Variants in HS6ST2 observed in about 807,000 individuals in gnomAD.
The protein encoded by HS6ST2 is heparan sulfate 6-O-sulfotransferase 2.
Under a neutral mutation model 33.0 loss-of-function variants are expected in HS6ST2, and 17 were observed. The observed-to-expected ratio is 0.52, with a 90% CI of 0.35 to 0.77. The LOEUF (loss-of-function observed/expected upper bound fraction) is 0.77, where lower values mean the gene tolerates loss of function less well. Among genes scored for constraint, HS6ST2 ranks in the 30% least tolerant of loss-of-function variants. HS6ST2 has a pLI of 0.01. For synonymous variants in HS6ST2, 248 were observed against 237.1 expected (o/e 1.05, Z -0.42); for missense variants, 519 against 551.7 (o/e 0.94, Z 0.59).
chrX:132,739,714 CAA>C (rs147979550), intron 2 of HS6ST2, among the ~76,000 whole-genome samples: 17 of 52,150 alleles, frequency 3.3e-4, no homozygotes, highest in Non-Finnish European at 3.0e-4. Context: ...GACTCCATTT[CAA>C]AAAAAAAAAA....
intron 3 of HS6ST2, among the ~76,000 whole-genome samples, chrX:132,684,233 A>ATATATATATACACACACACATATATATG (rs2063996897): frequency 1.9e-5 from 2 of 103,443 alleles, no homozygotes; most frequent in African/African-American, 7.0e-5. Flanking sequence ...ACATATATAT[A>ATATATATATACACACACACATATATATG]TATATATATA....
intron 2 of HS6ST2, among the ~76,000 whole-genome samples, chrX:132,832,665 A>G (rs1250510670): frequency 9.0e-6 from 1 of 111,624 alleles, no homozygotes; most frequent in Non-Finnish European, 1.9e-5. Flanking sequence ...AAACTTAATC[A>G]CTGTATTTTA....
At chrX:132,715,343 G>A (rs1471099969) in intron 2 of HS6ST2, among the ~76,000 whole-genome samples, 1 of 112,204 alleles carries the variant, frequency 8.9e-6, no homozygotes, top group East Asian at 2.8e-4. Flanking sequence ...GCTGAGGCAG[G>A]AGGAGCGGCT....
In HS6ST2 at chrX:132,647,545, C is replaced by A. The variant is rs771103537; in HGVS notation, c.1068-18452G>T. The stretch of plus-strand genomic sequence containing the variant: ...AATCACTTTTCCCCTTATTCCCCTG[C>A]TGGAGAGTCCCAAAACTCCTAGGCA... On this transcript the variant is annotated intron_variant, in intron 4 of 4. Transcript: ENST00000370833. Among the ~76,000 whole-genome samples, 10 of 112,233 alleles carry A rather than the reference C, an allele frequency of 8.9e-5. No homozygotes were observed. In the South Asian group the frequency reaches 3.4e-3, roughly 38 times the overall value.
At chrX:132,727,011 T>C (rs2148272256) in intron 2 of HS6ST2, among the ~76,000 whole-genome samples, 1 of 111,544 alleles carries the variant, frequency 9.0e-6, no homozygotes, top group East Asian at 2.8e-4. Flanking sequence ...TCCTGTCCAA[T>C]TTTTATATCT....
At chrX:132,933,534 G>A (rs1279033948) in intron 2 of HS6ST2, among the ~76,000 whole-genome samples, 5 of 110,251 alleles carry the variant, frequency 4.5e-5, no homozygotes, top group African/African-American at 1.6e-4. Context: ...ACCAGAAAGA[G>A]AAAGAAACAG....
chrX:132,818,377 A>G (rs1183954116), intron 2 of HS6ST2, among the ~76,000 whole-genome samples: 1 of 111,057 alleles, frequency 9.0e-6, no homozygotes, highest in Non-Finnish European at 1.9e-5. Flanking sequence ...GTATTACCCT[A>G]CAGAGTTGGC....
At chrX:132,901,013 T>C (rs201060046) in intron 2 of HS6ST2, among the ~76,000 whole-genome samples, 1 of 112,447 alleles carries the variant, frequency 8.9e-6, no homozygotes, top group Non-Finnish European at 1.9e-5. Flanking sequence ...CAGAGTTCCA[T>C]GGGGCAAGGA....
chrX:132,718,792 C>T (rs1203673758), intron 2 of HS6ST2, among the ~76,000 whole-genome samples: 1 of 110,921 alleles, frequency 9.0e-6, no homozygotes, highest in African/African-American at 3.3e-5. Context: ...ATGCTGCTCC[C>T]CTAGGACATA....
intron 3 of HS6ST2, among the ~76,000 whole-genome samples, chrX:132,692,877 C>A (rs2064077291): frequency 8.9e-6 from 1 of 111,761 alleles, no homozygotes; most frequent in African/African-American, 3.3e-5. Flanking sequence ...GCATATGGAC[C>A]ATGTCTCATG....
At chrX:132,716,261 G>C (rs746917915) in intron 2 of HS6ST2, among the ~76,000 whole-genome samples, 4 of 111,804 alleles carry the variant, frequency 3.6e-5, no homozygotes, top group Non-Finnish European at 5.6e-5. Flanking sequence ...TCTTGTTTCC[G>C]TGGAAAACGG....
At chrX:132,792,800 T>C (rs777882913) in intron 2 of HS6ST2, among the ~76,000 whole-genome samples, 1 of 111,470 alleles carries the variant, frequency 9.0e-6, no homozygotes, top group Non-Finnish European at 1.9e-5. Context: ...AATGTCTCCA[T>C]AGTTTATCCA....
rs376893086 is a variant in HS6ST2 at position 132,957,361 on chromosome X, C to T, written c.429-35G>A. 2.0e-3 allele frequency: 2,211 copies of T among 1,131,861 alleles called. 4 individuals are homozygous for T. Among genetic ancestry groups the T allele is most frequent in the Non-Finnish European group, 2.4e-3 (2,052 of 856,957 alleles). 93.3% of individuals were successfully genotyped at this position (1,131,861 alleles called of 1,213,427 possible). On this transcript the variant is annotated intron_variant, in intron 1 of 4. Transcript: ENST00000370833. ...ACCCAAGCTCGTTACGTCAATCCCGCAGCTCAGCCCGCGCTCGTCGTGCCC... is the reference window on the plus strand; with the variant it reads ...ACCCAAGCTCGTTACGTCAATCCCGTAGCTCAGCCCGCGCTCGTCGTGCCC...
At chrX:132,926,816 G>A (rs950911140) in intron 2 of HS6ST2, among the ~76,000 whole-genome samples, 16 of 111,680 alleles carry the variant, frequency 1.4e-4, no homozygotes, top group Admixed American at 1.1e-3. Flanking sequence ...CCAGCTACTC[G>A]GGAGGCCGAG....
chrX:132,941,589 T>A (rs1332996783), intron 2 of HS6ST2, among the ~76,000 whole-genome samples: 9 of 112,451 alleles, frequency 8.0e-5, no homozygotes, highest in Non-Finnish European at 1.7e-4. Flanking sequence ...GCAAGTGTTC[T>A]TTTTTAACAC....
chrX:132,866,784 T>G (rs1452653834), intron 2 of HS6ST2, among the ~76,000 whole-genome samples: 26 of 88,161 alleles, frequency 2.9e-4, no homozygotes, highest in Non-Finnish European at 5.3e-4. Flanking sequence ...TCTGTTTGTC[T>G]GTTGTTGGTG....
intron 2 of HS6ST2, among the ~76,000 whole-genome samples, chrX:132,949,750 G>A (rs1192307561): frequency 2.7e-5 from 3 of 111,550 alleles, no homozygotes; most frequent in African/African-American, 9.8e-5. Context: ...CAGAAAAGCA[G>A]AATAAGAAAA....
chrX:132,944,309 G>A (rs1197959284), intron 2 of HS6ST2, among the ~76,000 whole-genome samples: 1 of 111,259 alleles, frequency 9.0e-6, no homozygotes, highest in East Asian at 2.8e-4. Flanking sequence ...GGAAGTGAAG[G>A]ACCTCTTCAA....
chrX:132,886,273 T>C (rs142119848), intron 2 of HS6ST2, among the ~76,000 whole-genome samples: 2,122 of 111,893 alleles, frequency 0.019, 28 homozygotes, highest in Non-Finnish European at 0.029. Flanking sequence ...ATGGAAATTC[T>C]GAACTGGAAA....
Sources: allele counts gnomAD v4.1 joint callset (sites outside exome capture counted in the v4.1 genomes callset), GRCh38; gene constraint gnomAD v4.1.1; transcripts MANE v1.5; gene names NCBI Gene and HGNC (gene_info 2026-07-23, HGNC 2026-07-21).